The following SYN2 variants were observed in gnomAD, a reference collection of about 807,000 sequenced individuals.
SYN2 encodes the protein synapsin II.
SYN2 carries 19 observed loss-of-function variants against 50.9 expected under a neutral mutation model. The ratio of observed to expected loss-of-function variants is 0.37; its 90% CI spans 0.26 to 0.55. The LOEUF is 0.55. Among genes scored for constraint, SYN2 ranks in the 20% least tolerant of loss-of-function variants. The pLI is 0.81. For synonymous variants in SYN2, 255 were observed against 224.9 expected, an observed-to-expected ratio of 1.13 and a Z score of -1.20; for missense variants, 587 against 576.4, an observed-to-expected ratio of 1.02 and a Z score of -0.19.
chr3:12,059,875 G>A (rs1478729935), intron 1 of SYN2, among the ~76,000 whole-genome samples: 1 of 152,106 alleles, frequency 6.6e-6, no homozygotes, highest in Admixed American at 6.5e-5. Flanking sequence ...TAAACTGTAA[G>A]GATGAAAATG....
intron 1 of SYN2, among the ~76,000 whole-genome samples, chr3:12,094,344 A>G (rs971409329): frequency 6.6e-6 from 1 of 152,144 alleles, no homozygotes; most frequent in East Asian, 1.9e-4. Flanking sequence ...AGTGTAAAAG[A>G]CAACATTTAT....
chr3:12,189,036 C>T (rs113168227), intron 12 of SYN2, among the ~76,000 whole-genome samples: 1 of 152,218 alleles, frequency 6.6e-6, no homozygotes, highest in Non-Finnish European at 1.5e-5. Flanking sequence ...GTCTCGTTCC[C>T]AGCCCTAATG....
intron 1 of SYN2, among the ~76,000 whole-genome samples, chr3:12,050,399 G>A (rs1169760111): frequency 7.0e-6 from 1 of 143,228 alleles, no homozygotes; most frequent in Non-Finnish European, 1.5e-5. Flanking sequence ...AGGCTGGAGT[G>A]CAGTGGTACG....
At chr3:12,157,422 G>A in intron 5 of SYN2, 2 of 1,614,126 alleles carry the variant, frequency 1.2e-6, no homozygotes, top group Non-Finnish European at 1.7e-6. Flanking sequence ...CATTTTTTCA[G>A]TGTCAGCAGG....
At chr3:12,113,630 G>A (rs1477852374) in intron 1 of SYN2, among the ~76,000 whole-genome samples, 1 of 151,860 alleles carries the variant, frequency 6.6e-6, no homozygotes, top group African/African-American at 2.4e-5. Context: ...CTCAACCCTG[G>A]TAACCACTAA....
rs1322937355 is a variant in SYN2 at position 12,157,530 on chromosome 3, A to C, written c.775-4016A>C. ...GAACCTTCAGCAGCTGGTGGGGGCAATACACCTGAGGTCTGGATGATCCAG... is the reference window on the plus strand; with the variant it reads ...GAACCTTCAGCAGCTGGTGGGGGCACTACACCTGAGGTCTGGATGATCCAG... On this transcript the variant is annotated intron_variant, in intron 5 of 12. Coordinates refer to ENST00000621198, the MANE Select transcript of SYN2 (RefSeq NM_133625.6). The C allele has an allele frequency of 3.8e-6, 6 of 1,568,418 alleles. No individual in the cohort carries two copies. The South Asian group carries it at 6.7e-5, about 17-fold the overall frequency.
chr3:12,130,128 C>G (rs1455887100), intron 1 of SYN2, among the ~76,000 whole-genome samples: 4 of 151,170 alleles, frequency 2.6e-5, no homozygotes, highest in African/African-American at 9.8e-5. Flanking sequence ...ATATAGCAGC[C>G]CAAGTGTGTG....
chr3:12,175,264 G>T (rs1266628708), intron 10 of SYN2, among the ~76,000 whole-genome samples: 1 of 152,188 alleles, frequency 6.6e-6, no homozygotes, highest in Non-Finnish European at 1.5e-5. Flanking sequence ...TTCACCATTT[G>T]GAAGAGGCAT....
At chr3:12,020,451 G>C (rs1267533831) in intron 1 of SYN2, among the ~76,000 whole-genome samples, 1 of 151,858 alleles carries the variant, frequency 6.6e-6, no homozygotes, top group Non-Finnish European at 1.5e-5. Context: ...TTTGGAGTAG[G>C]GAAAGGATTT....
At position 12,174,396 on chromosome 3, in the gene SYN2, A is replaced by G. The variant is rs548698555; in HGVS notation, c.1308+4490A>G. On this transcript the variant is annotated intron_variant, in intron 10 of 12. Coordinates refer to ENST00000621198, the MANE Select transcript of SYN2 (RefSeq NM_133625.6). ...CCTACCTGCCTCTTTCCCTTGTACT[A>G]TCCTAACTGTTGCTCACTGTGCCCT... 5.9e-5 allele frequency among the ~76,000 whole-genome samples: 9 copies of G among 152,108 alleles called. No individual in the cohort carries two copies. The East Asian group carries it at 1.5e-3, about 26-fold the overall frequency.
At chr3:12,148,089 G>T (rs1190411919) in intron 4 of SYN2, among the ~76,000 whole-genome samples, 2 of 152,096 alleles carry the variant, frequency 1.3e-5, no homozygotes, top group Non-Finnish European at 2.9e-5. Flanking sequence ...ACTCCAGCCT[G>T]GGCGACAGAG....
At chr3:12,153,679 A>G in intron 5 of SYN2, 2 of 1,614,210 alleles carry the variant, frequency 1.2e-6, no homozygotes, top group Non-Finnish European at 1.7e-6. Context: ...TTAGGGGCCG[A>G]GATGGTACAG....
intron 8 of SYN2, among the ~76,000 whole-genome samples, chr3:12,168,154 A>G (rs997210896): frequency 3.9e-5 from 6 of 152,158 alleles, no homozygotes; most frequent in African/African-American, 1.2e-4. Context: ...GGCCTTCTAG[A>G]TATGGTGAGA....
chr3:12,170,677 A>T (rs1697917952), intron 10 of SYN2, among the ~76,000 whole-genome samples: 2 of 152,366 alleles, frequency 1.3e-5, no homozygotes, highest in African/African-American at 4.8e-5. Flanking sequence ...TCAAAAGCTG[A>T]ACCTTAAGTC....
chr3:12,191,866 C>T lies in SYN2; in HGVS notation c.*1241C>T, dbSNP rs1055729166. ...ACAACCAGGCTCCCACAGATCTCAA[C>T]GAAGGCATCCTAAAGAGGCCTGCAA... On this transcript the variant is annotated 3_prime_UTR_variant, in exon 13 of 13. Coordinates refer to ENST00000621198, the MANE Select transcript of SYN2 (RefSeq NM_133625.6). Among the ~76,000 whole-genome samples, 4 of 152,112 alleles carry T rather than the reference C, an allele frequency of 2.6e-5. No homozygotes were observed. Among genetic ancestry groups the T allele is most frequent in the African/African-American group, 9.7e-5 (4 of 41,404 alleles).
chr3:12,009,293 G>A (rs1013329272), intron 1 of SYN2, among the ~76,000 whole-genome samples: 1 of 151,724 alleles, frequency 6.6e-6, no homozygotes. Flanking sequence ...GCTAATGGCA[G>A]AACCAGAACT....
chr3:12,067,285 T>A lies in SYN2; in HGVS notation c.377+62357T>A, dbSNP rs74422064. On this transcript the variant is annotated intron_variant, in intron 1 of 12. Coordinates refer to ENST00000621198, the MANE Select transcript of SYN2 (RefSeq NM_133625.6). The stretch of plus-strand genomic sequence containing the variant: ...GGTTTTAATCCAAGTCATTCAGTGA[T>A]TTAAAAAAAAAGAAAAAAGGGATGT... 1.9e-4 allele frequency among the ~76,000 whole-genome samples: 29 copies of A among 152,242 alleles called. 1 individual carries two copies. In the South Asian group the frequency reaches 5.6e-3, roughly 29 times the overall value.
At position 12,187,454 on chromosome 3, in the gene SYN2, T is replaced by G. The variant is rs1298836421; in HGVS notation, c.1455T>G (p.Pro485=). The G allele has an allele frequency of 7.7e-6, 12 of 1,551,676 alleles. No homozygotes were observed. The highest frequency in any genetic ancestry group is 9.6e-6 in the Non-Finnish European group (11 of 1,146,450). ...RRLPPGPSLP[P]SSSSSSSSSS... is the part of the protein sequence containing the mutation. ...TCCCCCCTGGACCATCACTGCCACC[T>G]TCCTCCTCTTCCTCCTCTTCTTCCT... Residue 485 remains proline, a synonymous_variant, in exon 12 of 13, where the codon CCT becomes CCG. Transcript: ENST00000621198.
At chr3:12,048,261 G>A (rs935070712) in intron 1 of SYN2, among the ~76,000 whole-genome samples, 1 of 152,104 alleles carries the variant, frequency 6.6e-6, no homozygotes, top group African/African-American at 2.4e-5. Context: ...TGCAGCCATC[G>A]GACTCAAGCG....
Sources: allele counts gnomAD v4.1 joint callset (sites outside exome capture counted in the v4.1 genomes callset), GRCh38; gene constraint gnomAD v4.1.1; transcripts MANE v1.5; gene names NCBI Gene and HGNC (gene_info 2026-07-23, HGNC 2026-07-21).